The following MYO19 variants were observed in gnomAD, a reference collection of about 807,000 sequenced individuals.
MYO19 encodes unconventional myosin-XIX.
In MYO19, 132 loss-of-function variants were observed where a neutral mutation model predicts 129.2. That is an observed-to-expected ratio of 1.02 (90% CI 0.89 to 1.18). MYO19 has a LOEUF of 1.18. Ranked by LOEUF, MYO19 falls within the 50% of genes most tolerant of loss-of-function variation. The pLI, the probability that MYO19 is intolerant of heterozygous loss-of-function variation, is 0.00. For synonymous variants in MYO19, 531 were observed against 477.2 expected, an observed-to-expected ratio of 1.11 and a Z score of -1.47; for missense variants, 1,210 against 1,216.7, an observed-to-expected ratio of 0.99 and a Z score of 0.08.
upstream of MYO19, among the ~76,000 whole-genome samples, chr17:36,536,003 T>C (rs2074109052): frequency 6.6e-6 from 1 of 152,190 alleles, no homozygotes; most frequent in Admixed American, 6.5e-5. Flanking sequence ...CACGCATGCA[T>C]TCACTTACTT....
intron 21 of MYO19, 88 bp downstream of exon 21, chr17:36,503,009 C>A (rs1426289630): frequency 1.8e-6 from 2 of 1,116,014 alleles, no homozygotes; most frequent in South Asian, 1.3e-5. Flanking sequence ...CACCAGTAAG[C>A]CCCAGCCCCT....
At position 36,501,101 on chromosome 17, in the gene MYO19, C is replaced by T; in HGVS notation, c.2215G>A (p.Gly739Ser). Reference sequence around the variant, plus strand: ...TCAGTCATGAACACCTTGGTCCTGCCACAGTGCATGGGGGCTGGCATGGCC... The same window carrying T: ...TCAGTCATGAACACCTTGGTCCTGCTACAGTGCATGGGGGCTGGCATGGCC... ...AEAMPAPMHC[G>S]RTKVFMTDSM... is the part of the protein sequence containing the mutation. The change falls in exon 22 of 26, where the codon GGC becomes AGC. Residue 739 changes from glycine (G) to serine (S), a missense_variant. Gly to Ser is a moderately conservative substitution (Grantham distance 56). Coordinates refer to ENST00000614623, the MANE Select transcript of MYO19 (RefSeq NM_001163735.2). 5 of 1,613,870 alleles carry T rather than the reference C, an allele frequency of 3.1e-6. No individual in the cohort carries two copies. The highest frequency in any genetic ancestry group is 4.2e-6 in the Non-Finnish European group (5 of 1,179,804).
At chr17:36,536,439 A>G (rs894505009), upstream of MYO19, among the ~76,000 whole-genome samples, 2 of 152,122 alleles carry the variant, frequency 1.3e-5, no homozygotes, top group South Asian at 2.1e-4. Flanking sequence ...ACTGTGCTCC[A>G]TAATAGAAAT....
At chr17:36,539,842 T>A (rs1381124332), upstream of MYO19, among the ~76,000 whole-genome samples, 1 of 151,794 alleles carries the variant, frequency 6.6e-6, no homozygotes, top group East Asian at 1.9e-4. Context: ...TTGTCAAGAG[T>A]GTCAAATCAA....
At chr17:36,525,369 G>T in intron 5 of MYO19, 28 bp from the exon 6 acceptor site, 1 of 1,480,368 alleles carries the variant, frequency 6.8e-7, no homozygotes, top group Non-Finnish European at 9.4e-7. Context: ...GAAAGGTCAT[G>T]TGAGGGAATG....
chr17:36,499,235 G>A, intron 23 of MYO19, 75 bp from the exon 24 acceptor site: 3 of 1,029,164 alleles, frequency 2.9e-6, no homozygotes, highest in Non-Finnish European at 4.4e-6. Context: ...CGCTGCAGCA[G>A]CACCACAGTT....
rs531877581 is a variant in MYO19 at position 36,510,876 on chromosome 17, C to A, written c.1027G>T (p.Asp343Tyr). 6.3e-7 allele frequency: 1 copy of A among 1,582,204 alleles called. No individual in the cohort carries two copies. Among genetic ancestry groups the A allele is most frequent in the South Asian group, 1.2e-5 (1 of 86,318 alleles). ...ATCTGCACCATCTCCAGCAGCACGT[C>A]CTCTGGGAGCCCCAGCAGCGAGGCT... ...TAASLLGLPE[D>Y]VLLEMVQIRT... The change falls in exon 13 of 26, where the codon GAC (aspartate) becomes TAC (tyrosine). Residue 343 changes from aspartate (D) to tyrosine (Y), a missense_variant. Transcript: ENST00000614623.
intron 10 of MYO19, 51 bp downstream of exon 10, chr17:36,513,578 T>A: frequency 6.2e-7 from 1 of 1,612,676 alleles, no homozygotes; most frequent in Non-Finnish European, 8.5e-7. Flanking sequence ...CTGTACAGAG[T>A]GGGTGGGTGA....
intron 13 of MYO19, 30 bp downstream of exon 13, chr17:36,510,716 C>T (rs760301223): frequency 7.7e-6 from 12 of 1,562,656 alleles, no homozygotes; most frequent in African/African-American, 2.7e-5. Context: ...TCGGGGTCCT[C>T]CCCAACAAGG....
At chr17:36,538,729 T>G, upstream of MYO19, 2 of 930,598 alleles carry the variant, frequency 2.1e-6, no homozygotes, top group South Asian at 3.7e-5. Flanking sequence ...TAAAATAGTT[T>G]CAGTCATCTA....
chr17:36,538,113 A>ATC (rs751981047), upstream of MYO19: 8 of 1,614,230 alleles, frequency 5.0e-6, no homozygotes, highest in Non-Finnish European at 6.8e-6. Context: ...AGACTTGATA[A>ATC]AAGTAGCCTG....
Position 36,499,104 on chromosome 17 carries a change from CTG to C in MYO19, c.2432_2433del (p.Thr811SerfsTer19), listed in dbSNP as rs866388163. On this transcript the variant is annotated frameshift_variant, in exon 24 of 26. Coordinates refer to ENST00000614623, the MANE Select transcript of MYO19 (RefSeq NM_001163735.2). LOFTEE classifies it high-confidence loss of function. ...CACTTCTGCCATGCACGCTTGATGA[CTG>C]TGGCAGCTGCATGCAGCCTCTGGAT... ...KHIQRLHAAA[T>X]VIKRAWQKWR... is the part of the protein sequence containing the mutation. 9.3e-6 allele frequency: 15 copies of C among 1,610,516 alleles called. No individual in the cohort carries two copies. Among genetic ancestry groups the C allele is most frequent in the Admixed American group, 1.7e-5 (1 of 59,656 alleles).
At chr17:36,529,704 A>T (rs2073710762) in intron 3 of MYO19, among the ~76,000 whole-genome samples, 1 of 151,968 alleles carries the variant, frequency 6.6e-6, no homozygotes, top group African/African-American at 2.4e-5. Context: ...TCCTTTTATG[A>T]AGGGGAAAAA....
chr17:36,506,449 G>T lies in MYO19; in HGVS notation c.1797+7C>A. ...CCAAGCACCTCCCATCAGCACATCA[G>T]ACCCACCTTGAACTTGGACACCACG... On this transcript the variant is annotated splice_region_variant and intron_variant, in intron 18 of 25. Coordinates refer to ENST00000614623, the MANE Select transcript of MYO19 (RefSeq NM_001163735.2). 1 of 1,613,856 alleles carries T rather than the reference G, an allele frequency of 6.2e-7. No homozygotes were observed. Among genetic ancestry groups the T allele is most frequent in the South Asian group, 1.1e-5 (1 of 91,074 alleles).
At position 36,499,094 on chromosome 17, in the gene MYO19, C is replaced by T. The variant is rs370380838; in HGVS notation, c.2444G>A (p.Arg815His). Residue 815 changes from arginine (R) to histidine (H), a missense_variant, in exon 24 of 26, where the codon CGT becomes CAT. Transcript: ENST00000614623. ...ACTTACTCTCCACTTCTGCCATGCA[C>T]GCTTGATGACTGTGGCAGCTGCATG... ...RLHAAATVIK[R>H]AWQKWRIRMA... 13 of 1,609,704 alleles carry T rather than the reference C, an allele frequency of 8.1e-6. No individual in the cohort carries two copies. The highest frequency in any genetic ancestry group is 5.3e-5 in the African/African-American group (4 of 74,866).
chr17:36,506,698 C>G, intron 17 of MYO19, 90 bp from the exon 18 acceptor site: 1 of 1,437,872 alleles, frequency 7.0e-7, no homozygotes, highest in Non-Finnish European at 9.3e-7. Context: ...GATGACGGGG[C>G]TTCCAGGTAG....
Position 36,496,402 on chromosome 17 carries a change from G to C in MYO19, c.2762C>G (p.Ser921Trp), listed in dbSNP as rs766772441. 1 of 1,613,872 alleles carries C rather than the reference G, an allele frequency of 6.2e-7. No homozygotes were observed. The highest frequency in any genetic ancestry group is 2.2e-5 in the East Asian group (1 of 44,888). Reference sequence around the variant, plus strand: ...AGACTTTCTGCAGTGAAACTTTATCGATCCCTAGAGGGGAGAGAGAGATGC... The same window carrying C: ...AGACTTTCTGCAGTGAAACTTTATCCATCCCTAGAGGGGAGAGAGAGATGC... ...VTSIRALPQG[S>W]IKFHCRKSPL... The change falls in exon 26 of 26, where the codon TCG becomes TGG. Residue 921 changes from serine to tryptophan, a missense_variant. Ser to Trp is a radical substitution (Grantham distance 177). Transcript: ENST00000614623.
chr17:36,536,220 GCTGT>G (rs1439657433), upstream of MYO19, among the ~76,000 whole-genome samples: 1 of 152,124 alleles, frequency 6.6e-6, no homozygotes, highest in Non-Finnish European at 1.5e-5. Flanking sequence ...TGAAAACATA[GCTGT>G]CTGTAAATGA....
chr17:36,513,871 T>C, intron 9 of MYO19, 146 bp from the exon 10 acceptor site: 1 of 683,058 alleles, frequency 1.5e-6, no homozygotes, highest in Non-Finnish European at 2.5e-6. Context: ...ACGGCAGGTA[T>C]GGGGGCAAAA....
Sources: gnomAD v4.1 joint callset for allele counts (sites outside exome capture counted in the v4.1 genomes callset) on GRCh38, gnomAD v4.1.1 for gene constraint, MANE v1.5 for transcripts, NCBI Gene and HGNC (gene_info 2026-07-23, HGNC 2026-07-21) for gene names.